FAM98A: variants seen among roughly 807,000 people sequenced by gnomAD.
FAM98A encodes the protein tRNA splicing ligase complex subunit 3A.
A neutral mutation model predicts 62.9 loss-of-function variants in FAM98A; 25 were observed. That is an observed-to-expected ratio of 0.40 (90% CI 0.29 to 0.56). The LOEUF (loss-of-function observed/expected upper bound fraction) is 0.56. Among genes scored for constraint, FAM98A ranks in the 20% least tolerant of loss-of-function variants. The probability of loss-of-function intolerance (pLI) is 0.51; values close to 1 mark genes in which losing one functional copy is unlikely to be tolerated. For missense variants in FAM98A, 653 were observed against 640.7 expected (o/e 1.02, Z -0.21); for synonymous variants, 252 against 228.6 (o/e 1.10, Z -0.92).
In FAM98A at chr2:33,597,459, T is replaced by G. The variant is rs182240060; in HGVS notation, c.53+1710A>C. ...TGCCACCAAACTAAGTAGTTAAGGT[T>G]AAAATTTATAACAGTTTTCAGAAAA... On this transcript the variant is annotated intron_variant, in intron 1 of 7. Coordinates refer to ENST00000238823, the MANE Select transcript of FAM98A (RefSeq NM_015475.5). Among the ~76,000 whole-genome samples the G allele has an allele frequency of 5.3e-5, 8 of 152,334 alleles. No individual in the cohort carries two copies. The East Asian group carries it at 1.5e-3, about 29-fold the overall frequency.
chr2:33,585,681 A>T lies in FAM98A; in HGVS notation c.737T>A (p.Leu246Ter). ...SDRAKSQTEK[L>*]AKVYQPKRSV... ...ACGTTTCGGCTGGTAAACCTTGGCT[A>T]ATTTTTCTGTCTGGCTCTGTTGAAA... The change falls in exon 7 of 8, where the codon TTA (leucine) becomes TAA (stop). Residue 246 changes from leucine to a stop codon, truncating the protein, a stop_gained. Transcript: ENST00000238823. LOFTEE classifies it high-confidence loss of function. 1 of 1,613,400 alleles carries T rather than the reference A, an allele frequency of 6.2e-7. No homozygotes were observed. Among genetic ancestry groups the T allele is most frequent in the Non-Finnish European group, 8.5e-7 (1 of 1,179,702 alleles).
At position 33,595,614 on chromosome 2, in the gene FAM98A, T is replaced by A. The variant is rs1213630832; in HGVS notation, c.77A>T (p.Asp26Val). 34 of 1,588,128 alleles carry A rather than the reference T, an allele frequency of 2.1e-5. No individual in the cohort carries two copies. The highest frequency in any genetic ancestry group is 2.9e-5 in the Non-Finnish European group (34 of 1,172,124). ...AGAGACTGCCTGAGAGAGCGCTCCA[T>A]CTTCCAACAATGGGCCCTTGTAACT... ...DLGYKGPLLE[D>V]GALSQAVSAG... Residue 26 changes from aspartate to valine, a missense_variant, in exon 2 of 8, where the codon GAT becomes GTT. By Grantham distance (152) the Asp-to-Val change is radical. Transcript: ENST00000238823.
intron 1 of FAM98A, among the ~76,000 whole-genome samples, chr2:33,597,870 CACTGCCACAAAGAA>C (rs1189527742): frequency 3.3e-5 from 5 of 152,168 alleles, no homozygotes. Flanking sequence ...AAGGGCCTAA[CACTGCCACAAAGAA>C]ACTGTTCCTA....
At position 33,586,974 on chromosome 2, in the gene FAM98A, C is replaced by A. The variant is rs372446870; in HGVS notation, c.603+266G>T. On this transcript the variant is annotated intron_variant, in intron 5 of 7. Transcript: ENST00000238823. Reference sequence around the variant, plus strand: ...GGCTTGAAGGCAATCCATTTGGCAACGAGAAACATGCACCATACTTAATTT... The same window carrying A: ...GGCTTGAAGGCAATCCATTTGGCAAAGAGAAACATGCACCATACTTAATTT... 7.8e-6 allele frequency: 4 copies of A among 514,780 alleles called. No homozygotes were observed. The East Asian group carries it at 1.2e-4, about 16-fold the overall frequency. 31.9% of individuals were successfully genotyped at this position (514,780 alleles called of 1,614,324 possible).
At chr2:33,592,274 AATT>A in intron 2 of FAM98A, 60 bp from the exon 3 acceptor site, 7 of 1,304,818 alleles carry the variant, frequency 5.4e-6, no homozygotes, top group Middle Eastern at 2.3e-4. Context: ...TTAGCATAAC[AATT>A]ATTATATATA....
chr2:33,584,791 T>C lies in FAM98A; in HGVS notation c.1542A>G (p.Arg514=), dbSNP rs769364305. 6.2e-7 allele frequency: 1 copy of C among 1,602,916 alleles called. No homozygotes were observed. Among genetic ancestry groups the C allele is most frequent in the Non-Finnish European group, 8.5e-7 (1 of 1,171,364 alleles). The change falls in exon 8 of 8, where the codon AGA becomes AGG. Residue 514 remains arginine (R), a synonymous_variant. Coordinates refer to ENST00000238823, the MANE Select transcript of FAM98A (RefSeq NM_015475.5). ...TTCGGTAGCCTCAACTAGTGTAATG[T>C]CTTCCCTGTCCAAATCCAGAATGAT... ...QYNHSGFGQG[R]HYTS is the part of the protein sequence containing the mutation.
At chr2:33,593,018 C>T (rs1417216519) in intron 2 of FAM98A, among the ~76,000 whole-genome samples, 1 of 152,198 alleles carries the variant, frequency 6.6e-6, no homozygotes, top group East Asian at 1.9e-4. Context: ...GGCCTTGCTC[C>T]TTGATGAAAC....
Position 33,585,347 on chromosome 2 carries a change from G to A in FAM98A, c.986C>T (p.Pro329Leu). ...TCCTCGGCCTCCTGTTTGCTGCTGGGGGCCATCTTGCCTCTTCTGCCACGG... is the reference window on the plus strand; with the variant it reads ...TCCTCGGCCTCCTGTTTGCTGCTGGAGGCCATCTTGCCTCTTCTGCCACGG... The part of the protein sequence containing the change: ...MPPWQKRQDG[P>L]QQQTGGRGGG... Residue 329 changes from proline (P) to leucine (L), a missense_variant, in exon 8 of 8, where the codon CCC becomes CTC. Physicochemically the swap from Pro to Leu is moderately conservative, Grantham distance 98. Coordinates refer to ENST00000238823, the MANE Select transcript of FAM98A (RefSeq NM_015475.5). 4 of 1,614,108 alleles carry A rather than the reference G, an allele frequency of 2.5e-6. No individual in the cohort carries two copies. Among genetic ancestry groups the A allele is most frequent in the Non-Finnish European group, 3.4e-6 (4 of 1,180,022 alleles).
intron 5 of FAM98A, 100 bp from the exon 6 acceptor site, chr2:33,586,778 C>T (rs1368032796): frequency 1.8e-5 from 13 of 722,406 alleles, no homozygotes; most frequent in Non-Finnish European, 2.7e-5. Flanking sequence ...ACTGAGATCC[C>T]GGCCATTTAA....
intron 1 of FAM98A, among the ~76,000 whole-genome samples, chr2:33,595,891 A>T (rs544521848): frequency 6.0e-4 from 82 of 136,584 alleles, no homozygotes; most frequent in African/African-American, 2.6e-3. Context: ...ATATACTACT[A>T]AATTATGTCA....
intron 3 of FAM98A, among the ~76,000 whole-genome samples, chr2:33,590,701 C>T (rs1041868711): frequency 3.9e-5 from 6 of 152,080 alleles, no homozygotes; most frequent in African/African-American, 4.8e-5. Context: ...GTGATGATAG[C>T]AGATTAAAAT....
At chr2:33,596,708 G>A (rs967585863) in intron 1 of FAM98A, among the ~76,000 whole-genome samples, 2 of 151,976 alleles carry the variant, frequency 1.3e-5, no homozygotes, top group Admixed American at 6.6e-5. Flanking sequence ...TGGCTAACAC[G>A]ATGAAACCCC....
rs778507561 is a variant in FAM98A at position 33,592,210 on chromosome 2, C to T, written c.207G>A (p.Pro69=). 2.5e-6 allele frequency: 4 copies of T among 1,606,084 alleles called. No individual in the cohort carries two copies. The highest frequency in any genetic ancestry group is 2.2e-5 in the East Asian group (1 of 44,836). Residue 69 remains proline, a synonymous_variant, in exon 3 of 8, where the codon CCG becomes CCA. Transcript: ENST00000238823. The stretch of plus-strand genomic sequence containing the variant: ...CAAGCTGGAATTCTTCAGCTTCACT[C>T]GGACCTTTTAAGAATTAAAATAATC... The part of the protein sequence containing the change: ...LEENVQATNS[P]SEAEEFQLEV...
intron 7 of FAM98A, 25 bp from the exon 8 acceptor site, chr2:33,585,469 A>T: frequency 6.2e-7 from 1 of 1,613,326 alleles, no homozygotes; most frequent in Non-Finnish European, 8.5e-7. Context: ...AGATATTTTA[A>T]ACTTTTATTT....
Position 33,592,209 on chromosome 2 carries a change from T to A in FAM98A, c.208A>T (p.Ser70Cys). Residue 70 changes from serine to cysteine, a missense_variant, in exon 3 of 8, where the codon AGT (serine) becomes TGT (cysteine). Ser to Cys is a moderately radical substitution (Grantham distance 112). Transcript: ENST00000238823. ...TCAAGCTGGAATTCTTCAGCTTCACTCGGACCTTTTAAGAATTAAAATAAT... is the reference window on the plus strand; with the variant it reads ...TCAAGCTGGAATTCTTCAGCTTCACACGGACCTTTTAAGAATTAAAATAAT... ...EENVQATNSP[S>C]EAEEFQLEVS... 1 of 1,606,532 alleles carries A rather than the reference T, an allele frequency of 6.2e-7. No homozygotes were observed. Among genetic ancestry groups the A allele is most frequent in the Non-Finnish European group, 8.5e-7 (1 of 1,175,570 alleles).
At chr2:33,591,907 T>G (rs1677679175) in intron 3 of FAM98A, 173 bp downstream of exon 3, 2 of 548,052 alleles carry the variant, frequency 3.6e-6, no homozygotes, top group Non-Finnish European at 6.4e-6. Context: ...ATGCTACCAG[T>G]GCACACGTCT....
chr2:33,588,370 T>G lies in FAM98A; in HGVS notation c.487A>C (p.Thr163Pro). 6.2e-7 allele frequency: 1 copy of G among 1,613,482 alleles called. No homozygotes were observed. Among genetic ancestry groups the G allele is most frequent in the Non-Finnish European group, 8.5e-7 (1 of 1,179,664 alleles). The change falls in exon 4 of 8, where the codon ACT becomes CCT. Residue 163 changes from threonine (T) to proline (P), a missense_variant. By Grantham distance (38) the Thr-to-Pro change is conservative. Transcript: ENST00000238823. ...LGMSKPPANI[T>P]MFQFFSGIEK... ...ATCCCGCTGAAGAATTGGAACATAGTTATATTGGCTGGAGGTTTGGACATT... is the reference window on the plus strand; with the variant it reads ...ATCCCGCTGAAGAATTGGAACATAGGTATATTGGCTGGAGGTTTGGACATT...
intron 1 of FAM98A, among the ~76,000 whole-genome samples, chr2:33,595,964 TTGAG>T (rs1339720993): frequency 4.6e-5 from 7 of 152,214 alleles, no homozygotes; most frequent in East Asian, 3.8e-4. Context: ...TGTAATTGAA[TTGAG>T]TATTAAAAGC....
chr2:33,592,283 A>G, intron 2 of FAM98A, 69 bp from the exon 3 acceptor site: 2 of 1,230,938 alleles, frequency 1.6e-6, no homozygotes, highest in Admixed American at 2.2e-5. Context: ...CAATTATTAT[A>G]TATAATTGAA....
Sources: gnomAD v4.1 joint callset for allele counts (sites outside exome capture counted in the v4.1 genomes callset) on GRCh38, gnomAD v4.1.1 for gene constraint, MANE v1.5 for transcripts, NCBI Gene and HGNC (gene_info 2026-07-23, HGNC 2026-07-21) for gene names.